MLLT1: variants seen among roughly 807,000 people sequenced by gnomAD.
MLLT1 encodes the protein MLLT1 super elongation complex subunit.
In MLLT1, 11 loss-of-function variants were observed where a neutral mutation model predicts 55.1. The observed-to-expected ratio is 0.20, with a 90% CI of 0.13 to 0.33. The LOEUF is 0.33. Ranked by LOEUF, MLLT1 falls within the 10% of genes least tolerant of loss-of-function variation. MLLT1 has a pLI of 1.00. For missense variants in MLLT1, 536 were observed against 760.6 expected (o/e 0.70, Z 3.47); for synonymous variants, 323 against 320.1 (o/e 1.01, Z -0.10).
chr19:6,245,979 G>A (rs1276125614), intron 3 of MLLT1, among the ~76,000 whole-genome samples: 2 of 152,174 alleles, frequency 1.3e-5, no homozygotes, highest in African/African-American at 4.8e-5. Context: ...TTGAGAGGCT[G>A]AGGCAGGAGA....
rs757568741 is a variant in MLLT1, at chr19:6,213,710, G to A, written c.1479+16C>T. On this transcript the variant is annotated intron_variant, in intron 10 of 11. Transcript: ENST00000252674. ...CCCTCCGTAGCCTCCCCGCCTTGTCGTAGGTGCCCCCCCACCTTGTCGTAG... is the reference window on the plus strand; with the variant it reads ...CCCTCCGTAGCCTCCCCGCCTTGTCATAGGTGCCCCCCCACCTTGTCGTAG... 15 of 1,567,074 alleles carry A rather than the reference G, an allele frequency of 9.6e-6. No homozygotes were observed. Among genetic ancestry groups the A allele is most frequent in the African/African-American group, 4.4e-5 (3 of 67,786 alleles).
Position 6,231,781 on chromosome 19 carries a change from G to A in MLLT1, c.277-1068C>T, listed in dbSNP as rs181847813. ...CTCCCAAAGTGCTGGGATTACAGGT[G>A]TGAGCCACCGCGCCCAGCTGAAGCA... On this transcript the variant is annotated intron_variant, in intron 3 of 11. Coordinates refer to ENST00000252674, the MANE Select transcript of MLLT1 (RefSeq NM_005934.4). The surrounding 1 kb of genome is among the most constrained non-coding windows in gnomAD (Gnocchi z 5.1). Among the ~76,000 whole-genome samples the A allele has an allele frequency of 3.5e-3, 538 of 152,188 alleles. 1 individual carries two copies. The highest frequency in any genetic ancestry group is 6.8e-3 in the Middle Eastern group (2 of 294).
Position 6,230,779 on chromosome 19 carries a change from A to G in MLLT1, c.277-66T>C, listed in dbSNP as rs1039506099. ...CCGTGGTGCAGGGACACAGCTCCCC[A>G]TTGGCCCTGGTCCTCCCCTCTCCCT... On this transcript the variant is annotated intron_variant, in intron 3 of 11. Coordinates refer to ENST00000252674, the MANE Select transcript of MLLT1 (RefSeq NM_005934.4). The surrounding 1 kb of genome is among the most constrained non-coding windows in gnomAD (Gnocchi z 9.0). The G allele has an allele frequency of 2.5e-6, 4 of 1,587,058 alleles. No individual in the cohort carries two copies. In the African/African-American group the frequency reaches 4.0e-5, roughly 16 times the overall value.
chr19:6,237,145 G>A (rs1374036936), intron 3 of MLLT1, among the ~76,000 whole-genome samples: 1 of 152,230 alleles, frequency 6.6e-6, no homozygotes, highest in African/African-American at 2.4e-5. Flanking sequence ...GATCACAGGC[G>A]CCGAGTGGCC....
chr19:6,234,101 G>A (rs938354745), intron 3 of MLLT1, among the ~76,000 whole-genome samples: 66 of 152,372 alleles, frequency 4.3e-4, no homozygotes, highest in African/African-American at 1.5e-3. Flanking sequence ...GCTGAAGGAT[G>A]GCCAGGAGCT....
In MLLT1 at chr19:6,273,011, C is replaced by T. The variant is rs2091407030; in HGVS notation, c.13-2252G>A. On this transcript the variant is annotated intron_variant, in intron 1 of 11. Coordinates refer to ENST00000252674, the MANE Select transcript of MLLT1 (RefSeq NM_005934.4). This position sits in a 1 kb window ranked among gnomAD's most constrained non-coding sequence, Gnocchi z 4.3. ...GGGGGCAGAGGGGATTCCCTTGGCT[C>T]AGGACGACTGTCCCTCTGGAGTTCC... is the stretch of plus-strand genomic sequence containing the variant. 6.6e-6 allele frequency among the ~76,000 whole-genome samples: 1 copy of T among 152,182 alleles called. No homozygotes were observed. Among genetic ancestry groups the T allele is most frequent in the African/African-American group, 2.4e-5 (1 of 41,434 alleles).
intron 3 of MLLT1, among the ~76,000 whole-genome samples, chr19:6,243,560 G>A (rs1271187289): frequency 6.6e-6 from 1 of 152,130 alleles, no homozygotes; most frequent in Non-Finnish European, 1.5e-5. Flanking sequence ...TGAACCCAGA[G>A]GACTCGACCC....
chr19:6,260,307 A>G (rs770583374), intron 3 of MLLT1, among the ~76,000 whole-genome samples: 95 of 152,340 alleles, frequency 6.2e-4, no homozygotes, highest in Non-Finnish European at 1.3e-3. Flanking sequence ...AAGTCAGGAC[A>G]GAAACAGCCC....
intron 5 of MLLT1, among the ~76,000 whole-genome samples, chr19:6,223,083 T>C (rs2090919518): frequency 6.6e-6 from 1 of 151,574 alleles, no homozygotes; most frequent in African/African-American, 2.4e-5. Context: ...TGGCGGGCAC[T>C]GGACGCAGCC....
rs1197673421 is a variant in MLLT1, at chr19:6,226,214, G to A, written c.546+763C>T. Among the ~76,000 whole-genome samples the A allele has an allele frequency of 2.0e-5, 3 of 152,224 alleles. No homozygotes were observed. Among genetic ancestry groups the A allele is most frequent in the African/African-American group, 4.8e-5 (2 of 41,438 alleles). On this transcript the variant is annotated intron_variant, in intron 5 of 11. Transcript: ENST00000252674. This position sits in a 1 kb window ranked among gnomAD's most constrained non-coding sequence, Gnocchi z 6.3. Reference sequence around the variant, plus strand: ...AGAGGACCGGTGGAGAGATGTGTGGGTGGCAGGCACCGGGCAGCTGCCCCG... The same window carrying A: ...AGAGGACCGGTGGAGAGATGTGTGGATGGCAGGCACCGGGCAGCTGCCCCG...
chr19:6,247,383 A>G (rs146404495), intron 3 of MLLT1, among the ~76,000 whole-genome samples: 2 of 152,360 alleles, frequency 1.3e-5, no homozygotes, highest in African/African-American at 2.4e-5. Context: ...CTGTGGTGCC[A>G]GAATGTGAAA....
At chr19:6,274,150 G>A (rs987432423) in intron 1 of MLLT1, among the ~76,000 whole-genome samples, 4 of 152,218 alleles carry the variant, frequency 2.6e-5, no homozygotes, top group Non-Finnish European at 5.9e-5. Flanking sequence ...TCGGGTGCCC[G>A]GCCTGCTGCA....
chr19:6,217,593 G>C (rs964452387), intron 7 of MLLT1, among the ~76,000 whole-genome samples: 1 of 152,230 alleles, frequency 6.6e-6, no homozygotes, highest in Non-Finnish European at 1.5e-5. Context: ...GCTGGCCCTG[G>C]GGAGCGGGTG....
Position 6,211,598 on chromosome 19 carries a change from C to G in MLLT1, c.*1444G>C, listed in dbSNP as rs1306028872. The G allele has an allele frequency of 4.7e-6, 5 of 1,065,230 alleles. No individual in the cohort carries two copies. Among genetic ancestry groups the G allele is most frequent in the Non-Finnish European group, 5.7e-6 (5 of 879,204 alleles). The allele number at this position is 1,065,230 out of a possible 1,614,324, so 66.0% of individuals were successfully genotyped here. ...GGTTCGAGGGGGTGCGAGCCCACCT[C>G]CAGGCCCTCAGCCCTCTTTTCCTCA... On this transcript the variant is annotated 3_prime_UTR_variant, in exon 12 of 12. Coordinates refer to ENST00000252674, the MANE Select transcript of MLLT1 (RefSeq NM_005934.4). This position sits in a 1 kb window ranked among gnomAD's most constrained non-coding sequence, Gnocchi z 4.6.
rs776071905 is a variant in MLLT1, at chr19:6,218,013, C to CTGGAGT, written c.1133_1138dup (p.Asn378_Ser379dup). On this transcript the variant is annotated inframe_insertion, in exon 7 of 12. Coordinates refer to ENST00000252674, the MANE Select transcript of MLLT1 (RefSeq NM_005934.4). ...GTCTGAGCTGGAGTCTGAGCTGGAG[C>CTGGAGT]TGGAGTTGGACGGGCTTGACTGGGC... The CTGGAGT allele has an allele frequency of 1.1e-5, 17 of 1,609,486 alleles. No individual in the cohort carries two copies. In the Admixed American group the frequency reaches 1.5e-4, roughly 14 times the overall value.
At chr19:6,215,452 G>A (rs966546833) in intron 8 of MLLT1, among the ~76,000 whole-genome samples, 4 of 152,144 alleles carry the variant, frequency 2.6e-5, no homozygotes, top group African/African-American at 7.2e-5. Flanking sequence ...TCGTGGGCCC[G>A]GACCTCCCAC....
At position 6,240,350 on chromosome 19, in the gene MLLT1, C is replaced by T. The variant is rs1272131952; in HGVS notation, c.277-9637G>A. Among the ~76,000 whole-genome samples, 1 of 152,190 alleles carries T rather than the reference C, an allele frequency of 6.6e-6. No homozygotes were observed. Among genetic ancestry groups the T allele is most frequent in the East Asian group, 1.9e-4 (1 of 5,188 alleles). On this transcript the variant is annotated intron_variant, in intron 3 of 11. Coordinates refer to ENST00000252674, the MANE Select transcript of MLLT1 (RefSeq NM_005934.4). This position sits in a 1 kb window ranked among gnomAD's most constrained non-coding sequence, Gnocchi z 4.7. ...AGGCGGGGGAGTTTTCTTCTTGTACCCCTGAACTTCAAACTCCACTGTGGA... is the reference window on the plus strand; with the variant it reads ...AGGCGGGGGAGTTTTCTTCTTGTACTCCTGAACTTCAAACTCCACTGTGGA...
chr19:6,218,434 G>A (rs1432061230), intron 6 of MLLT1, among the ~76,000 whole-genome samples: 3 of 152,234 alleles, frequency 2.0e-5, no homozygotes, highest in African/African-American at 7.2e-5. Flanking sequence ...GACTGGTGTC[G>A]CAAAAATGTC....
chr19:6,261,380 T>C (rs1189218546), intron 3 of MLLT1, among the ~76,000 whole-genome samples: 3 of 152,178 alleles, frequency 2.0e-5, no homozygotes, highest in Non-Finnish European at 4.4e-5. Context: ...GCCAGAGGGT[T>C]TGTGGAAAAG....
Sources: gnomAD v4.1 joint callset for allele counts (sites outside exome capture counted in the v4.1 genomes callset) on GRCh38, gnomAD v4.1.1 for gene constraint, Gnocchi (gnomAD v3.1) non-coding constraint, MANE v1.5 for transcripts, NCBI Gene and HGNC (gene_info 2026-07-23, HGNC 2026-07-21) for gene names.